Variants in COP1 observed in about 807,000 individuals in gnomAD.
COP1 encodes COP1 E3 ubiquitin ligase.
A neutral mutation model predicts 101.3 loss-of-function variants in COP1; 24 were observed. The ratio of observed to expected loss-of-function variants is 0.24; its 90% CI spans 0.17 to 0.33. COP1 has a LOEUF of 0.33. Among genes scored for constraint, COP1 ranks in the 10% least tolerant of loss-of-function variants. COP1 has a pLI of 1.00. For missense variants in COP1, 663 were observed against 906.2 expected (o/e 0.73, Z 3.45); for synonymous variants, 347 against 341.9 (o/e 1.01, Z -0.17).
intron 14 of COP1, among the ~76,000 whole-genome samples, chr1:176,030,184 T>G (rs563671038): frequency 6.6e-6 from 1 of 152,324 alleles, no homozygotes; most frequent in South Asian, 2.1e-4. Context: ...TGTTCCATGT[T>G]ATTCTCCAAT....
At chr1:175,998,125 G>T (rs1230368469) in intron 15 of COP1, among the ~76,000 whole-genome samples, 1 of 137,768 alleles carries the variant, frequency 7.3e-6, no homozygotes, top group Non-Finnish European at 1.5e-5. Context: ...GGAATACTAT[G>T]CAGCCATAAA....
chr1:176,195,698 G>A (rs1278458670), intron 1 of COP1, among the ~76,000 whole-genome samples: 2 of 152,134 alleles, frequency 1.3e-5, no homozygotes, highest in Admixed American at 1.3e-4. Flanking sequence ...TTAAACAACT[G>A]CAGCCATAAA....
At chr1:176,107,584 C>T (rs1327689519) in intron 9 of COP1, among the ~76,000 whole-genome samples, 3 of 151,968 alleles carry the variant, frequency 2.0e-5, no homozygotes, top group African/African-American at 7.3e-5. Flanking sequence ...AAGAGAAGGA[C>T]TAACTAATAA....
chr1:176,024,237 C>A (rs1667294938), intron 15 of COP1, among the ~76,000 whole-genome samples: 1 of 152,162 alleles, frequency 6.6e-6, no homozygotes, highest in South Asian at 2.1e-4. Flanking sequence ...CCAGCCTGGG[C>A]TCTGACAGAG....
chr1:176,006,011 G>C (rs899452110), intron 15 of COP1, among the ~76,000 whole-genome samples: 1 of 152,178 alleles, frequency 6.6e-6, no homozygotes, highest in Non-Finnish European at 1.5e-5. Flanking sequence ...CTCAGGACTT[G>C]CTTTATGAGT....
intron 14 of COP1, among the ~76,000 whole-genome samples, chr1:176,040,549 ATCC>A (rs1670348442): frequency 6.6e-6 from 1 of 152,176 alleles, no homozygotes; most frequent in Non-Finnish European, 1.5e-5. Context: ...ACCTCAAGCC[ATCC>A]TCCTGCCTCA....
chr1:175,962,099 C>CA (rs34184493), intron 18 of COP1, among the ~76,000 whole-genome samples: 4 of 151,416 alleles, frequency 2.6e-5, no homozygotes, highest in African/African-American at 9.7e-5. Flanking sequence ...TGCCTTTATG[C>CA]AAAAAATAGA....
chr1:176,197,452 C>T (rs1413451185), intron 1 of COP1, among the ~76,000 whole-genome samples: 3 of 152,080 alleles, frequency 2.0e-5, no homozygotes, highest in African/African-American at 7.2e-5. Flanking sequence ...CAGAAGAAAC[C>T]GAATCTGCCT....
rs555766907 is a variant in COP1 at position 176,081,199 on chromosome 1, T to C, written c.1230A>G (p.Thr410=). 7.6e-5 allele frequency: 123 copies of C among 1,610,994 alleles called. 1 individual carries two copies. The South Asian group carries it at 1.2e-3, about 16-fold the overall frequency. Residue 410 remains threonine, a synonymous_variant, in exon 11 of 20, where the codon ACA becomes ACG. Coordinates refer to ENST00000367669, the MANE Select transcript of COP1 (RefSeq NM_022457.7). ...TRYNSVRPLA[T]LSYASDLYNG... is the part of the protein sequence containing the mutation. The stretch of plus-strand genomic sequence containing the variant: ...TATAGAGATCACTAGCATATGACAA[T>C]GTGGCTAAAGGTCGTACTGAATTAT...
chr1:176,007,878 C>G (rs951559928), intron 15 of COP1, among the ~76,000 whole-genome samples: 1 of 152,238 alleles, frequency 6.6e-6, no homozygotes, highest in Non-Finnish European at 1.5e-5. Flanking sequence ...CCACCCAGTT[C>G]CAGCTTCCTG....
At chr1:176,059,088 C>G (rs1252622802) in intron 11 of COP1, among the ~76,000 whole-genome samples, 2 of 152,208 alleles carry the variant, frequency 1.3e-5, no homozygotes, top group African/African-American at 4.8e-5. Context: ...CTCAGCTGTG[C>G]TCACACAAAA....
intron 15 of COP1, among the ~76,000 whole-genome samples, chr1:176,024,109 A>C (rs1183293107): frequency 6.6e-6 from 1 of 152,120 alleles, no homozygotes; most frequent in East Asian, 1.9e-4. Context: ...AATACAAAAA[A>C]TTAGCCAGAT....
chr1:175,949,084 A>G (rs545886277), intron 18 of COP1, among the ~76,000 whole-genome samples: 1 of 139,832 alleles, frequency 7.2e-6, no homozygotes, highest in African/African-American at 2.6e-5. Flanking sequence ...AAGTGCTTGA[A>G]CCTGGGAGGC....
intron 9 of COP1, among the ~76,000 whole-genome samples, chr1:176,106,616 G>A (rs935428476): frequency 6.6e-6 from 1 of 152,106 alleles, no homozygotes; most frequent in African/African-American, 2.4e-5. Flanking sequence ...CCCAGCAATT[G>A]ACCCAGTGCA....
intron 6 of COP1, among the ~76,000 whole-genome samples, chr1:176,138,644 CT>C (rs1292977740): frequency 6.6e-6 from 1 of 152,118 alleles, no homozygotes; most frequent in Non-Finnish European, 1.5e-5. Context: ...TAGGAACTCA[CT>C]ATTTCTACTC....
At chr1:176,084,406 C>T (rs2481644) in intron 10 of COP1, among the ~76,000 whole-genome samples, 143,051 of 152,246 alleles carry the variant, frequency 0.94, 67,650 homozygotes, top group East Asian at 1. Context: ...AGAATCAATA[C>T]TGTGAAAATG....
intron 8 of COP1, among the ~76,000 whole-genome samples, chr1:176,131,327 A>G (rs80003117): frequency 0.039 from 5,903 of 151,962 alleles, 175 homozygotes; most frequent in Non-Finnish European, 0.055. Flanking sequence ...GAAGCAGTAA[A>G]ATAGGATATG....
intron 6 of COP1, among the ~76,000 whole-genome samples, chr1:176,143,498 C>T (rs1256125419): frequency 6.6e-6 from 1 of 152,092 alleles, no homozygotes; most frequent in Non-Finnish European, 1.5e-5. Flanking sequence ...TTTCCCAACA[C>T]ATTTGATAAA....
chr1:176,050,269 A>T (rs1672311338), intron 11 of COP1, among the ~76,000 whole-genome samples: 1 of 152,236 alleles, frequency 6.6e-6, no homozygotes, highest in South Asian at 2.1e-4. Context: ...TCATTAGTCA[A>T]GTGATTAAGC....
Sources: allele counts gnomAD v4.1 joint callset (sites outside exome capture counted in the v4.1 genomes callset), GRCh38; gene constraint gnomAD v4.1.1; transcripts MANE v1.5; gene names NCBI Gene and HGNC (gene_info 2026-07-23, HGNC 2026-07-21).